Variants in C1orf21 observed in about 807,000 individuals in gnomAD.
C1orf21 encodes chromosome 1 open reading frame 21, also known as uncharacterized protein C1orf21.
In C1orf21, 3 loss-of-function variants were observed where a neutral mutation model predicts 18.7. The ratio of observed to expected loss-of-function variants is 0.16; its 90% CI spans 0.07 to 0.42. The LOEUF is 0.42. C1orf21 is among the 10% of genes least tolerant of loss of function. The probability of loss-of-function intolerance (pLI) is 0.99; values close to 1 mark genes in which losing one functional copy is unlikely to be tolerated. For synonymous variants in C1orf21, 41 were observed against 46.4 expected (o/e 0.88, Z 0.47); for missense variants, 104 against 143.6 (o/e 0.72, Z 1.41).
chr1:184,596,539 T>C (rs544988030), intron 4 of C1orf21, among the ~76,000 whole-genome samples: 3 of 152,250 alleles, frequency 2.0e-5, no homozygotes, highest in African/African-American at 7.2e-5. Flanking sequence ...TGGGGCAACA[T>C]ATACATACGG....
intron 3 of C1orf21, among the ~76,000 whole-genome samples, chr1:184,515,389 T>A (rs1658209500): frequency 6.6e-6 from 1 of 152,244 alleles, no homozygotes; most frequent in African/African-American, 2.4e-5. Flanking sequence ...TTTCTCTTTA[T>A]CTGACATGTC....
Position 184,620,820 on chromosome 1 carries a change from A to G in C1orf21, c.*1264A>G, listed in dbSNP as rs1442258772. The stretch of plus-strand genomic sequence containing the variant: ...TGATCTCTTCTCAAAGACAGAAGTG[A>G]TATTTTTAACAAATATTGTCACAAG... On this transcript the variant is annotated 3_prime_UTR_variant, in exon 6 of 6. Coordinates refer to ENST00000235307, the MANE Select transcript of C1orf21 (RefSeq NM_030806.4). 6.6e-6 allele frequency: 1 copy of G among 152,656 alleles called. No individual in the cohort carries two copies. The highest frequency in any genetic ancestry group is 1.5e-5 in the Non-Finnish European group (1 of 68,040). The allele number at this position is 152,656 out of a possible 1,614,324, so 9.5% of individuals were successfully genotyped here. A position where few individuals can be genotyped will look rare whatever the true frequency, so the allele number is the denominator to read the frequency against.
In C1orf21 at chr1:184,590,301, C is replaced by T. The variant is rs150443720; in HGVS notation, c.190-438C>T. Among the ~76,000 whole-genome samples, 11 of 152,298 alleles carry T rather than the reference C, an allele frequency of 7.2e-5. No homozygotes were observed. The East Asian group carries it at 2.1e-3, about 29-fold the overall frequency. On this transcript the variant is annotated intron_variant, in intron 3 of 5. Coordinates refer to ENST00000235307, the MANE Select transcript of C1orf21 (RefSeq NM_030806.4). ...GTTTTAGTCATGTTCCTGTTCCTGT[C>T]ACGGCTAGGGCCTTCAGCAAACTTT...
intron 5 of C1orf21, among the ~76,000 whole-genome samples, chr1:184,614,720 C>A (rs750441970): frequency 6.6e-6 from 1 of 152,206 alleles, no homozygotes; most frequent in East Asian, 1.9e-4. Context: ...ATGGTCCCAT[C>A]TGGGGATGGT....
intron 3 of C1orf21, among the ~76,000 whole-genome samples, chr1:184,564,397 C>G (rs1381897174): frequency 6.6e-6 from 1 of 152,172 alleles, no homozygotes; most frequent in Non-Finnish European, 1.5e-5. Context: ...CAACCTGCGC[C>G]TCCCAGGTTC....
At chr1:184,441,681 CT>C (rs1166519412) in intron 1 of C1orf21, among the ~76,000 whole-genome samples, 3 of 152,184 alleles carry the variant, frequency 2.0e-5, no homozygotes, top group African/African-American at 7.2e-5. Flanking sequence ...ATCCTAACCA[CT>C]GTGTTTACAC....
intron 2 of C1orf21, among the ~76,000 whole-genome samples, chr1:184,490,734 T>A (rs1657804952): frequency 6.6e-6 from 1 of 152,170 alleles, no homozygotes; most frequent in Non-Finnish European, 1.5e-5. Flanking sequence ...GCTGTCTAAG[T>A]GTTCAGCCTC....
At chr1:184,592,403 T>C (rs2101999796) in intron 4 of C1orf21, among the ~76,000 whole-genome samples, 1 of 152,338 alleles carries the variant, frequency 6.6e-6, no homozygotes. Context: ...TAAAAGGTCA[T>C]TGCATGTTCA....
chr1:184,595,509 G>A (rs1340053097), intron 4 of C1orf21, among the ~76,000 whole-genome samples: 1 of 152,120 alleles, frequency 6.6e-6, no homozygotes, highest in Non-Finnish European at 1.5e-5. Flanking sequence ...GGGGACCCAT[G>A]TTTATCTAGA....
Position 184,626,288 on chromosome 1 carries a change from G to T in C1orf21, c.*6732G>T, listed in dbSNP as rs1180356763. The T allele has an allele frequency of 1.3e-5, 2 of 152,234 alleles. No homozygotes were observed. Among genetic ancestry groups the T allele is most frequent in the Non-Finnish European group, 2.9e-5 (2 of 68,100 alleles). The allele number at this position is 152,234 out of a possible 1,614,324, so 9.4% of individuals were successfully genotyped here. A position where few individuals can be genotyped will look rare whatever the true frequency, so the allele number is the denominator to read the frequency against. On this transcript the variant is annotated 3_prime_UTR_variant, in exon 6 of 6. Coordinates refer to ENST00000235307, the MANE Select transcript of C1orf21 (RefSeq NM_030806.4). ...CACCGTGGCAGCCAGCCCAGTTTTG[G>T]CAATCAGGGGCTTCCTGAAAGAGGT...
chr1:184,547,062 G>A (rs1658737745), intron 3 of C1orf21, among the ~76,000 whole-genome samples: 1 of 151,598 alleles, frequency 6.6e-6, no homozygotes, highest in African/African-American at 2.4e-5. Flanking sequence ...ACCATCAAGA[G>A]CCTTTCAGGC....
intron 1 of C1orf21, among the ~76,000 whole-genome samples, chr1:184,454,404 G>A (rs1052440660): frequency 6.6e-6 from 1 of 152,048 alleles, no homozygotes; most frequent in Non-Finnish European, 1.5e-5. Flanking sequence ...TGGGCTAAAG[G>A]GACATAAGCC....
chr1:184,595,504 C>A (rs1235139304), intron 4 of C1orf21, among the ~76,000 whole-genome samples: 1 of 152,062 alleles, frequency 6.6e-6, no homozygotes, highest in Non-Finnish European at 1.5e-5. Flanking sequence ...GAAGAGGGGA[C>A]CCATGTTTAT....
chr1:184,461,707 C>T (rs546214397), intron 1 of C1orf21, among the ~76,000 whole-genome samples: 33 of 152,152 alleles, frequency 2.2e-4, no homozygotes, highest in African/African-American at 7.5e-4. Context: ...TGTTTTATTC[C>T]GATTTGATTT....
chr1:184,465,848 T>G (rs1336812484), intron 1 of C1orf21, among the ~76,000 whole-genome samples: 1 of 152,112 alleles, frequency 6.6e-6, no homozygotes, highest in Non-Finnish European at 1.5e-5. Flanking sequence ...AGATAAAAAC[T>G]TCAAATTTTA....
At chr1:184,491,204 AT>A (rs1242948671) in intron 2 of C1orf21, among the ~76,000 whole-genome samples, 1 of 152,200 alleles carries the variant, frequency 6.6e-6, no homozygotes, top group Non-Finnish European at 1.5e-5. Context: ...TAAACAGCAC[AT>A]TTTCATCTTT....
At chr1:184,502,893 C>A (rs533260811) in intron 2 of C1orf21, among the ~76,000 whole-genome samples, 2 of 151,650 alleles carry the variant, frequency 1.3e-5, no homozygotes, top group African/African-American at 4.9e-5. Flanking sequence ...GCCTGGCCAA[C>A]ATGGTGAAAC....
chr1:184,593,314 T>TATTTCAAAC (rs1178738437), intron 4 of C1orf21, among the ~76,000 whole-genome samples: 1 of 152,174 alleles, frequency 6.6e-6, no homozygotes, highest in Non-Finnish European at 1.5e-5. Flanking sequence ...TGTGTGTATG[T>TATTTCAAAC]ATTTCAAACT....
At position 184,488,099 on chromosome 1, in the gene C1orf21, A is replaced by G. The variant is rs116450829; in HGVS notation, c.94+10496A>G. On this transcript the variant is annotated intron_variant, in intron 2 of 5. Transcript: ENST00000235307. ...ATTCTCTAAACTTAAAAGATGATCA[A>G]TTGTCCATGTAATACTTATCTCTTT... Among the ~76,000 whole-genome samples, 439 of 152,284 alleles carry G rather than the reference A, an allele frequency of 2.9e-3. 4 individuals are homozygous for G. Among genetic ancestry groups the G allele is most frequent in the Non-Finnish European group, 4.5e-3 (304 of 68,026 alleles).
Sources: allele counts gnomAD v4.1 joint callset (sites outside exome capture counted in the v4.1 genomes callset), GRCh38; gene constraint gnomAD v4.1.1; transcripts MANE v1.5; gene names NCBI Gene and HGNC (gene_info 2026-07-23, HGNC 2026-07-21).